Variants in EFNA2 observed in about 807,000 individuals in gnomAD.
EFNA2 encodes the protein ephrin-A2.
A neutral mutation model predicts 19.7 loss-of-function variants in EFNA2; 18 were observed. The observed-to-expected ratio is 0.91, with a 90% CI of 0.63 to 1.35. EFNA2 has a LOEUF of 1.35. Among genes scored for constraint, EFNA2 ranks in the 40% most tolerant of loss-of-function variants. The pLI is 0.00. For missense variants in EFNA2, 303 were observed against 296.0 expected (o/e 1.02, Z -0.17); for synonymous variants, 187 against 137.8 (o/e 1.36, Z -2.50).
At chr19:1,299,704 G>GGGCCT in intron 3 of EFNA2, 120 bp from the exon 4 acceptor site, 2 of 1,371,908 alleles carry the variant, frequency 1.5e-6, no homozygotes, top group Non-Finnish European at 1.9e-6. Context: ...AGGGAGCAGA[G>GGGCCT]GGCCTGCCTG....
chr19:1,291,780 C>G (rs1025267968), intron 1 of EFNA2, among the ~76,000 whole-genome samples: 4 of 152,162 alleles, frequency 2.6e-5, no homozygotes, highest in Non-Finnish European at 5.9e-5. Context: ...GACAATTGCC[C>G]GATTGGAGCT....
intron 2 of EFNA2, 96 bp from the exon 3 acceptor site, chr19:1,298,455 G>T: frequency 7.7e-7 from 1 of 1,290,426 alleles, no homozygotes; most frequent in East Asian, 2.5e-5. Context: ...CCTGGGGTCA[G>T]GGTTGATTCA....
rs750963392 is a variant in EFNA2, at chr19:1,297,933, A to G, written c.455-618A>G. ...CTAAAAATACAAAAATTAGCCAGGCATGGTGGCACACATTTGTAATCCTGT... is the reference window on the plus strand; with the variant it reads ...CTAAAAATACAAAAATTAGCCAGGCGTGGTGGCACACATTTGTAATCCTGT... On this transcript the variant is annotated intron_variant, in intron 2 of 3. Coordinates refer to ENST00000215368, the MANE Select transcript of EFNA2 (RefSeq NM_001405.4). The surrounding 1 kb of genome is among the most constrained non-coding windows in gnomAD (Gnocchi z 5.0). Among the ~76,000 whole-genome samples the G allele has an allele frequency of 6.6e-6, 1 of 151,988 alleles. No homozygotes were observed. Among genetic ancestry groups the G allele is most frequent in the East Asian group, 1.9e-4 (1 of 5,184 alleles).
intron 1 of EFNA2, among the ~76,000 whole-genome samples, chr19:1,289,963 C>T (rs530850153): frequency 9.2e-5 from 14 of 151,936 alleles, no homozygotes; most frequent in African/African-American, 3.1e-4. Flanking sequence ...GAGAGCCGGG[C>T]GGTGGGCCTG....
intron 1 of EFNA2, among the ~76,000 whole-genome samples, chr19:1,289,317 G>C (rs1393060911): frequency 6.6e-6 from 1 of 152,204 alleles, no homozygotes; most frequent in African/African-American, 2.4e-5. Flanking sequence ...TGGCATGCAT[G>C]CGTTTTGTCT....
intron 1 of EFNA2, among the ~76,000 whole-genome samples, chr19:1,292,167 C>G (rs979898076): frequency 1.3e-5 from 2 of 152,222 alleles, no homozygotes; most frequent in Non-Finnish European, 2.9e-5. Context: ...CTCCCCCCTG[C>G]AGGCGCCACC....
At position 1,301,099 on chromosome 19, in the gene EFNA2, G is replaced by C. The variant is rs2081540832; in HGVS notation, c.*1154G>C. Among the ~76,000 whole-genome samples, 1 of 107,720 alleles carries C rather than the reference G, an allele frequency of 9.3e-6. No individual in the cohort carries two copies. Among genetic ancestry groups the C allele is most frequent in the African/African-American group, 4.0e-5 (1 of 24,854 alleles). The allele number at this position is 107,720 out of a possible 152,430, so 70.7% of individuals were successfully genotyped here. A position where few individuals can be genotyped will look rare whatever the true frequency, so the allele number is the denominator to read the frequency against. ...AAGAAAAAGAAAAAAAGGACAAAAGGGAGGGAACCACTACCAAAAAAAAAA... is the reference window on the plus strand; with the variant it reads ...AAGAAAAAGAAAAAAAGGACAAAAGCGAGGGAACCACTACCAAAAAAAAAA... On this transcript the variant is annotated 3_prime_UTR_variant, in exon 4 of 4. Transcript: ENST00000215368.
Position 1,287,135 on chromosome 19 carries a change from A to T in EFNA2, c.140+827A>T, listed in dbSNP as rs2081468989. ...GTCCGGGCCAGGCACAACGTGGGGG[A>T]CAGGAGAAGCCCCCGTTGGTCAGAG... On this transcript the variant is annotated intron_variant, in intron 1 of 3. Transcript: ENST00000215368. This position sits in a 1 kb window ranked among gnomAD's most constrained non-coding sequence, Gnocchi z 6.2. Among the ~76,000 whole-genome samples the T allele has an allele frequency of 6.6e-6, 1 of 152,114 alleles. No individual in the cohort carries two copies. Among genetic ancestry groups the T allele is most frequent in the South Asian group, 2.1e-4 (1 of 4,824 alleles).
rs1206259402 is a variant in EFNA2 at position 1,287,418 on chromosome 19, C to T, written c.140+1110C>T. 6.6e-6 allele frequency among the ~76,000 whole-genome samples: 1 copy of T among 152,108 alleles called. No individual in the cohort carries two copies. Among genetic ancestry groups the T allele is most frequent in the African/African-American group, 2.4e-5 (1 of 41,422 alleles). ...CTTCTGCTACTGGTCACTTTCTCTC[C>T]GTTTTCCAGCCGCTTCCTGTGCCGA... On this transcript the variant is annotated intron_variant, in intron 1 of 3. Transcript: ENST00000215368. This position sits in a 1 kb window ranked among gnomAD's most constrained non-coding sequence, Gnocchi z 6.2.
rs1337384261 is a variant in EFNA2, at chr19:1,295,008, G to T, written c.141-537G>T. ...CCCCCCGCCGGCCCTTTGCACACAG[G>T]GGTCCAGATGTCACCCACCTGGACA... On this transcript the variant is annotated intron_variant, in intron 1 of 3. Coordinates refer to ENST00000215368, the MANE Select transcript of EFNA2 (RefSeq NM_001405.4). This position sits in a 1 kb window ranked among gnomAD's most constrained non-coding sequence, Gnocchi z 5.8. 6.6e-6 allele frequency among the ~76,000 whole-genome samples: 1 copy of T among 152,028 alleles called. No homozygotes were observed. Among genetic ancestry groups the T allele is most frequent in the Non-Finnish European group, 1.5e-5 (1 of 67,988 alleles).
intron 3 of EFNA2, 23 bp from the exon 4 acceptor site, chr19:1,299,801 C>T (rs763498784): frequency 1.9e-6 from 3 of 1,585,694 alleles, no homozygotes; most frequent in Admixed American, 1.7e-5. Flanking sequence ...GGCCGCTGAG[C>T]GTGCTGTCTC....
rs571967119 is a variant in EFNA2, at chr19:1,294,287, C to G, written c.141-1258C>G. On this transcript the variant is annotated intron_variant, in intron 1 of 3. Coordinates refer to ENST00000215368, the MANE Select transcript of EFNA2 (RefSeq NM_001405.4). This position sits in a 1 kb window ranked among gnomAD's most constrained non-coding sequence, Gnocchi z 5.8. ...GCCCTGGGGACCACAGCCGGGAGATCTAAGGGCTCCTGCCGCCATCGCCCG... is the reference window on the plus strand; with the variant it reads ...GCCCTGGGGACCACAGCCGGGAGATGTAAGGGCTCCTGCCGCCATCGCCCG... Among the ~76,000 whole-genome samples the G allele has an allele frequency of 3.9e-5, 6 of 152,308 alleles. No homozygotes were observed. The East Asian group carries it at 1.2e-3, about 29-fold the overall frequency.
chr19:1,289,896 T>G (rs1374678623), intron 1 of EFNA2, among the ~76,000 whole-genome samples: 1 of 151,962 alleles, frequency 6.6e-6, no homozygotes, highest in Non-Finnish European at 1.5e-5. Flanking sequence ...TTCTGCTGCA[T>G]AAGGGTTTTT....
rs547438407 is a variant in EFNA2 at position 1,298,665 on chromosome 19, C to G, written c.520+49C>G. 4 of 1,599,848 alleles carry G rather than the reference C, an allele frequency of 2.5e-6. No individual in the cohort carries two copies. In the South Asian group the frequency reaches 4.5e-5, roughly 18 times the overall value. On this transcript the variant is annotated intron_variant, in intron 3 of 3. Transcript: ENST00000215368. ...GGATCCAGGCCCCCACCCCTGTGTC[C>G]TAAACCCACAGAACCAGTGAGTGTT...
Position 1,297,552 on chromosome 19 carries a change from G to C in EFNA2, c.455-999G>C, listed in dbSNP as rs139166253. ...TGAGAGCCAGGCCATCAGGGGCCCAGGGCCCGGCAGAGACAGCAAGACCAC... is the reference window on the plus strand; with the variant it reads ...TGAGAGCCAGGCCATCAGGGGCCCACGGCCCGGCAGAGACAGCAAGACCAC... On this transcript the variant is annotated intron_variant, in intron 2 of 3. Coordinates refer to ENST00000215368, the MANE Select transcript of EFNA2 (RefSeq NM_001405.4). This position sits in a 1 kb window ranked among gnomAD's most constrained non-coding sequence, Gnocchi z 5.0. Among the ~76,000 whole-genome samples, 7 of 152,222 alleles carry C rather than the reference G, an allele frequency of 4.6e-5. No homozygotes were observed. Among genetic ancestry groups the C allele is most frequent in the African/African-American group, 1.7e-4 (7 of 41,534 alleles).
intron 1 of EFNA2, among the ~76,000 whole-genome samples, chr19:1,290,112 G>C (rs1334854379): frequency 6.6e-6 from 1 of 152,036 alleles, no homozygotes; most frequent in South Asian, 2.1e-4. Flanking sequence ...TGCGAAGTGG[G>C]GGTGACGGAG....
rs202192520 is a variant in EFNA2 at position 1,287,380 on chromosome 19, GC to G, written c.140+1081del. Among the ~76,000 whole-genome samples the G allele has an allele frequency of 3.9e-3, 581 of 150,802 alleles. 4 individuals carry two copies. Among genetic ancestry groups the G allele is most frequent in the African/African-American group, 0.013 (539 of 41,108 alleles). On this transcript the variant is annotated intron_variant, in intron 1 of 3. Coordinates refer to ENST00000215368, the MANE Select transcript of EFNA2 (RefSeq NM_001405.4). This position sits in a 1 kb window ranked among gnomAD's most constrained non-coding sequence, Gnocchi z 6.2. ...GAGCTGCACATCGGGGGCTGAGGCGGCCCCCCCCCACTCTTCTGCTACTGGT... is the reference window on the plus strand; with the variant it reads ...GAGCTGCACATCGGGGGCTGAGGCGGCCCCCCCCACTCTTCTGCTACTGGT...
At chr19:1,290,232 C>T (rs1339542129) in intron 1 of EFNA2, among the ~76,000 whole-genome samples, 1 of 152,126 alleles carries the variant, frequency 6.6e-6, no homozygotes, top group Non-Finnish European at 1.5e-5. Flanking sequence ...CGAGGCAGCT[C>T]CTGTGGTGGG....
Position 1,286,243 on chromosome 19 carries a change from C to A in EFNA2, c.75C>A (p.Arg25=). The A allele has an allele frequency of 8.9e-7, 1 of 1,129,224 alleles. No homozygotes were observed. Among genetic ancestry groups the A allele is most frequent in the East Asian group, 7.8e-5 (1 of 12,900 alleles). The allele number at this position is 1,129,224 out of a possible 1,614,324, so 70.0% of individuals were successfully genotyped here. Residue 25 remains arginine, a synonymous_variant, in exon 1 of 4, where the codon CGC becomes CGA. Transcript: ENST00000215368. This position sits in a 1 kb window ranked among gnomAD's most constrained non-coding sequence, Gnocchi z 5.6. The part of the protein sequence containing the change: ...LLPLPPPPFA[R]AEDAARANSD... Reference sequence around the variant, plus strand: ...CGCTGCCGCCGCCGCCCTTCGCGCGCGCCGAGGACGCCGCCCGCGCCAACT... The same window carrying A: ...CGCTGCCGCCGCCGCCCTTCGCGCGAGCCGAGGACGCCGCCCGCGCCAACT...
Sources: allele counts gnomAD v4.1 joint callset (sites outside exome capture counted in the v4.1 genomes callset), GRCh38; gene constraint gnomAD v4.1.1; non-coding constraint Gnocchi (gnomAD v3.1); transcripts MANE v1.5; gene names NCBI Gene and HGNC (gene_info 2026-07-23, HGNC 2026-07-21).